PPP1R1A: variants seen among roughly 807,000 people sequenced by gnomAD.
PPP1R1A encodes the protein protein phosphatase 1 regulatory inhibitor subunit 1A, also known as protein phosphatase 1 regulatory subunit 1A.
Under a neutral mutation model 23.9 loss-of-function variants are expected in PPP1R1A, and 18 were observed. That is an observed-to-expected ratio of 0.75 (90% CI 0.52 to 1.12). The LOEUF is 1.12. Ranked by LOEUF, PPP1R1A falls within the 50% of genes most tolerant of loss-of-function variation. The probability of loss-of-function intolerance (pLI) is 0.00; values close to 1 mark genes in which losing one functional copy is unlikely to be tolerated. For missense variants in PPP1R1A, 207 were observed against 223.8 expected (o/e 0.92, Z 0.48); for synonymous variants, 84 against 80.7 (o/e 1.04, Z -0.22).
In PPP1R1A at chr12:54,579,827, G is replaced by C. The variant is rs959247449; in HGVS notation, c.*560C>G. ...CTTGGAGGGCAGGCGAGGAGGTATC[G>C]GCACACCACCATACCCTCTTTCCCA... On this transcript the variant is annotated 3_prime_UTR_variant, in exon 7 of 7. Transcript: ENST00000257905. 11 of 985,472 alleles carry C rather than the reference G, an allele frequency of 1.1e-5. No individual in the cohort carries two copies. Among genetic ancestry groups the C allele is most frequent in the Non-Finnish European group, 1.3e-5 (11 of 830,124 alleles). 61.0% of individuals were successfully genotyped at this position (985,472 alleles called of 1,614,324 possible). A position where few individuals can be genotyped will look rare whatever the true frequency, so the allele number is the denominator to read the frequency against.
Position 54,582,769 on chromosome 12 carries a change from T to C in PPP1R1A, c.210A>G (p.Gln70=). 1 of 1,613,736 alleles carries C rather than the reference T, an allele frequency of 6.2e-7. No individual in the cohort carries two copies. The highest frequency in any genetic ancestry group is 8.5e-7 in the Non-Finnish European group (1 of 1,179,890). ...LKSTLAMSPR[Q]RKKMTRITPT... ...GTGTGATCCTTGTCATCTTCTTCCG[T>C]TGCCGTGGAGACATTGCCAAAGTGG... is the stretch of plus-strand genomic sequence containing the variant. The change falls in exon 4 of 7, where the codon CAA becomes CAG. Residue 70 remains glutamine, a synonymous_variant. Transcript: ENST00000257905.
intron 3 of PPP1R1A, 134 bp from the exon 4 acceptor site, chr12:54,582,929 G>T: frequency 3.1e-6 from 3 of 982,232 alleles, no homozygotes; most frequent in Non-Finnish European, 3.0e-6. Flanking sequence ...TTGGATTGGA[G>T]CCTGGGGTAG....
chr12:54,585,790 T>C (rs1289216927), intron 1 of PPP1R1A, among the ~76,000 whole-genome samples: 2 of 134,638 alleles, frequency 1.5e-5, no homozygotes, highest in African/African-American at 5.6e-5. Flanking sequence ...GGGAACTCTT[T>C]CCAAAGAAGA....
Position 54,583,266 on chromosome 12 carries a change from A to G in PPP1R1A, c.146-18T>C. Reference sequence around the variant, plus strand: ...ATCTATCTCTGAAGGGAACAGGGAAAGGAGAGGGTGATAAGGACAGGAAAC... The same window carrying G: ...ATCTATCTCTGAAGGGAACAGGGAAGGGAGAGGGTGATAAGGACAGGAAAC... On this transcript the variant is annotated intron_variant, in intron 2 of 6. Transcript: ENST00000257905. 1.3e-6 allele frequency: 2 copies of G among 1,501,050 alleles called. No homozygotes were observed. Among genetic ancestry groups the G allele is most frequent in the Non-Finnish European group, 8.9e-7 (1 of 1,128,702 alleles). The allele number at this position is 1,501,050 out of a possible 1,614,324, so 93.0% of individuals were successfully genotyped here.
intron 2 of PPP1R1A, 90 bp downstream of exon 2, chr12:54,584,170 T>C: frequency 7.8e-7 from 1 of 1,277,598 alleles, no homozygotes; most frequent in Non-Finnish European, 1.1e-6. Context: ...TTCTCAGAGC[T>C]GTTCTTCTTC....
chr12:54,585,773 C>T (rs139983198), intron 1 of PPP1R1A, among the ~76,000 whole-genome samples: 1 of 141,320 alleles, frequency 7.1e-6, no homozygotes, highest in Non-Finnish European at 1.5e-5. Context: ...CTGTTTAAGC[C>T]TGAGGGGGGA....
intron 1 of PPP1R1A, 84 bp from the exon 2 acceptor site, chr12:54,584,404 C>A (rs1415108399): frequency 6.2e-6 from 8 of 1,289,320 alleles, no homozygotes; most frequent in Non-Finnish European, 8.6e-6. Flanking sequence ...GTAACATAAT[C>A]CAGGCTAGCC....
In PPP1R1A at chr12:54,581,972, A is replaced by G. The variant is rs1284153842; in HGVS notation, c.403+4T>C. On this transcript the variant is annotated splice_donor_region_variant and intron_variant, in intron 5 of 6. Coordinates refer to ENST00000257905, the MANE Select transcript of PPP1R1A (RefSeq NM_006741.4). This position sits in a 1 kb window ranked among gnomAD's most constrained non-coding sequence, Gnocchi z 4.1. ...GCCTGGGGCCCTCCCCAGCCTGAACATACTTTTTGCTGTCCCAGAGGTGCC... is the reference window on the plus strand; with the variant it reads ...GCCTGGGGCCCTCCCCAGCCTGAACGTACTTTTTGCTGTCCCAGAGGTGCC... 1.9e-6 allele frequency: 3 copies of G among 1,609,634 alleles called. No homozygotes were observed. The highest frequency in any genetic ancestry group is 2.5e-6 in the Non-Finnish European group (3 of 1,177,632).
In PPP1R1A at chr12:54,584,249, C is replaced by T; in HGVS notation, c.145+11G>A. On this transcript the variant is annotated intron_variant, in intron 2 of 6. Transcript: ENST00000257905. ...CCCCCACGCCCTTCAGCAACCTATCCCTTGGCTTACCTGGGGATGACTGGT... is the reference window on the plus strand; with the variant it reads ...CCCCCACGCCCTTCAGCAACCTATCTCTTGGCTTACCTGGGGATGACTGGT... 1 of 1,594,106 alleles carries T rather than the reference C, an allele frequency of 6.3e-7. No homozygotes were observed. Among genetic ancestry groups the T allele is most frequent in the Admixed American group, 1.7e-5 (1 of 57,360 alleles).
chr12:54,579,880 C>T lies in PPP1R1A; in HGVS notation c.*507G>A, dbSNP rs1281089174. On this transcript the variant is annotated 3_prime_UTR_variant, in exon 7 of 7. Transcript: ENST00000257905. ...GGCCAAGTGCCATGGTGCAGTTCCC[C>T]TTTTGTCCAGCAGATGGAGCCCACC... 2 of 986,340 alleles carry T rather than the reference C, an allele frequency of 2.0e-6. No individual in the cohort carries two copies. Among genetic ancestry groups the T allele is most frequent in the Non-Finnish European group, 2.4e-6 (2 of 830,692 alleles). The allele number at this position is 986,340 out of a possible 1,614,324, so 61.1% of individuals were successfully genotyped here.
At chr12:54,582,672 C>T (rs11837630) in intron 4 of PPP1R1A, 60 bp downstream of exon 4, 17,121 of 1,561,236 alleles carry the variant, frequency 0.011, 171 homozygotes, top group African/African-American at 0.047. Flanking sequence ...AAAGGGCATT[C>T]GGTCTCCTCT....
intron 4 of PPP1R1A, 122 bp downstream of exon 4, chr12:54,582,610 C>T (rs761249460): frequency 3.0e-5 from 36 of 1,181,522 alleles, no homozygotes; most frequent in South Asian, 1.7e-4. Flanking sequence ...AGCCTCAGTT[C>T]GTCTAGCAAC....
At chr12:54,586,676 T>G (rs1957914775) in intron 1 of PPP1R1A, among the ~76,000 whole-genome samples, 1 of 152,156 alleles carries the variant, frequency 6.6e-6, no homozygotes, top group Non-Finnish European at 1.5e-5. Context: ...TTAGTGAAAG[T>G]AGGCCCAAGT....
chr12:54,586,723 G>C (rs1957915649), intron 1 of PPP1R1A, among the ~76,000 whole-genome samples: 1 of 152,056 alleles, frequency 6.6e-6, no homozygotes, highest in Non-Finnish European at 1.5e-5. Context: ...CCTCAGGATT[G>C]CCTTGTGCCC....
chr12:54,582,437 T>C (rs1957864526), intron 4 of PPP1R1A, among the ~76,000 whole-genome samples: 1 of 152,176 alleles, frequency 6.6e-6, no homozygotes, highest in South Asian at 2.1e-4. Context: ...AAAGGCTCAA[T>C]TTAGATTCAA....
chr12:54,584,269 A>C lies in PPP1R1A; in HGVS notation c.136T>G (p.Ser46Ala). The C allele has an allele frequency of 6.2e-7, 1 of 1,602,336 alleles. No homozygotes were observed. The highest frequency in any genetic ancestry group is 1.1e-5 in the South Asian group (1 of 88,138). Reference protein sequence around the residue: ...PATLVLTSDQSSPEIDEDRIP... With the variant: ...PATLVLTSDQASPEIDEDRIP... ...CTATCCCTTGGCTTACCTGGGGATGACTGGTCACTGGTCAGCACGAGGGTG... is the reference window on the plus strand; with the variant it reads ...CTATCCCTTGGCTTACCTGGGGATGCCTGGTCACTGGTCAGCACGAGGGTG... Residue 46 changes from serine (S) to alanine (A), a missense_variant, in exon 2 of 7, where the codon TCA becomes GCA. Ser to Ala is a moderately conservative substitution (Grantham distance 99). Coordinates refer to ENST00000257905, the MANE Select transcript of PPP1R1A (RefSeq NM_006741.4).
rs906324456 is a variant in PPP1R1A at position 54,582,649 on chromosome 12, C to T, written c.247+83G>A. On this transcript the variant is annotated intron_variant, in intron 4 of 6. Coordinates refer to ENST00000257905, the MANE Select transcript of PPP1R1A (RefSeq NM_006741.4). ...TCTACCATAATAAAGGCAGATTTAA[C>T]GACCTCCCTTCCAAAGGGCATTCGG... 101 of 1,485,116 alleles carry T rather than the reference C, an allele frequency of 6.8e-5. 2 individuals are homozygous for T. Among genetic ancestry groups the T allele is most frequent in the South Asian group, 6.5e-4 (57 of 87,466 alleles). The allele number at this position is 1,485,116 out of a possible 1,614,324, so 92.0% of individuals were successfully genotyped here. A position where few individuals can be genotyped will look rare whatever the true frequency, so the allele number is the denominator to read the frequency against.
chr12:54,579,746 G>A lies in PPP1R1A; in HGVS notation c.*641C>T. 3.0e-6 allele frequency: 3 copies of A among 985,624 alleles called. No individual in the cohort carries two copies. Among genetic ancestry groups the A allele is most frequent in the Non-Finnish European group, 3.6e-6 (3 of 830,060 alleles). The allele number at this position is 985,624 out of a possible 1,614,324, so 61.1% of individuals were successfully genotyped here. On this transcript the variant is annotated 3_prime_UTR_variant, in exon 7 of 7. Coordinates refer to ENST00000257905, the MANE Select transcript of PPP1R1A (RefSeq NM_006741.4). ...TGAAATAAGGGACAGCGGTCCCACA[G>A]CTGGAAGAGGGAACACATCCTGAAG...
At chr12:54,582,638 G>T in intron 4 of PPP1R1A, 94 bp downstream of exon 4, 1 of 1,418,956 alleles carries the variant, frequency 7.0e-7, no homozygotes, top group East Asian at 2.3e-5. Flanking sequence ...CCATAATAAA[G>T]GCAGATTTAA....
Sources: gnomAD v4.1 joint callset for allele counts (sites outside exome capture counted in the v4.1 genomes callset) on GRCh38, gnomAD v4.1.1 for gene constraint, Gnocchi (gnomAD v3.1) non-coding constraint, MANE v1.5 for transcripts, NCBI Gene and HGNC (gene_info 2026-07-23, HGNC 2026-07-21) for gene names.